Variants in KCND2 observed in about 807,000 individuals in gnomAD.
KCND2 encodes potassium voltage-gated channel subfamily D member 2.
Under a neutral mutation model 54.4 loss-of-function variants are expected in KCND2, and 16 were observed. The observed-to-expected ratio is 0.29, with a 90% confidence interval of 0.20 to 0.45. KCND2 has a LOEUF of 0.45. Among genes scored for constraint, KCND2 ranks in the 20% least tolerant of loss-of-function variants. The pLI, the probability that KCND2 is intolerant of heterozygous loss-of-function variation, is 1.00. For missense variants in KCND2, 486 were observed against 824.2 expected (o/e 0.59, Z 5.02); for synonymous variants, 317 against 310.7 (o/e 1.02, Z -0.21).
intron 1 of KCND2, among the ~76,000 whole-genome samples, chr7:120,354,702 G>C (rs1418231878): frequency 2.6e-5 from 4 of 152,210 alleles, no homozygotes; most frequent in Non-Finnish European, 5.9e-5. Context: ...AGTGAGCTAT[G>C]ATGGCGCCAC....
At chr7:120,586,248 T>C (rs1792599254) in intron 1 of KCND2, among the ~76,000 whole-genome samples, 1 of 152,072 alleles carries the variant, frequency 6.6e-6, no homozygotes, top group Admixed American at 6.6e-5. Flanking sequence ...CACCTTCTTA[T>C]GAAAAGCGCA....
intron 1 of KCND2, among the ~76,000 whole-genome samples, chr7:120,557,168 A>G (rs75043611): frequency 6.4e-4 from 98 of 152,296 alleles, no homozygotes; most frequent in African/African-American, 2.2e-3. Flanking sequence ...TACATAACAG[A>G]TGTACATATT....
chr7:120,302,074 T>C (rs2116296822), intron 1 of KCND2, among the ~76,000 whole-genome samples: 1 of 152,326 alleles, frequency 6.6e-6, no homozygotes, highest in East Asian at 1.9e-4. Flanking sequence ...ATCTACATTA[T>C]ATATTTACAT....
intron 1 of KCND2, among the ~76,000 whole-genome samples, chr7:120,653,338 A>G (rs1427616246): frequency 6.6e-6 from 1 of 151,842 alleles, no homozygotes; most frequent in Non-Finnish European, 1.5e-5. Flanking sequence ...AGGCCACCAC[A>G]TCGGGCCCCT....
intron 1 of KCND2, among the ~76,000 whole-genome samples, chr7:120,630,546 T>C (rs923994498): frequency 6.6e-6 from 1 of 152,158 alleles, no homozygotes; most frequent in Non-Finnish European, 1.5e-5. Context: ...TAACAGCTTA[T>C]TATTAATTTT....
intron 1 of KCND2, among the ~76,000 whole-genome samples, chr7:120,375,904 T>A (rs1158527015): frequency 6.6e-6 from 1 of 151,732 alleles, no homozygotes; most frequent in East Asian, 1.9e-4. Flanking sequence ...GGGAAAATAA[T>A]CCTATAAGGA....
chr7:120,279,524 A>G (rs1439907929), intron 1 of KCND2, among the ~76,000 whole-genome samples: 1 of 151,968 alleles, frequency 6.6e-6, no homozygotes, highest in African/African-American at 2.4e-5. Context: ...TTATTATTTT[A>G]ACGATATAAA....
At chr7:120,556,883 G>T (rs1276416399) in intron 1 of KCND2, among the ~76,000 whole-genome samples, 1 of 152,126 alleles carries the variant, frequency 6.6e-6, no homozygotes, top group African/African-American at 2.4e-5. Flanking sequence ...ATGGAGATTT[G>T]TCTCTCTAGT....
intron 1 of KCND2, among the ~76,000 whole-genome samples, chr7:120,424,329 G>C (rs1390569442): frequency 6.6e-6 from 1 of 152,072 alleles, no homozygotes; most frequent in Non-Finnish European, 1.5e-5. Context: ...TGATAGAATT[G>C]AACTAAAACG....
chr7:120,290,698 A>G (rs1799421886), intron 1 of KCND2, among the ~76,000 whole-genome samples: 1 of 152,010 alleles, frequency 6.6e-6, no homozygotes, highest in Non-Finnish European at 1.5e-5. Context: ...ATATTATTCA[A>G]TATCCTGTAC....
chr7:120,529,759 G>A (rs1246756052), intron 1 of KCND2, among the ~76,000 whole-genome samples: 1 of 152,046 alleles, frequency 6.6e-6, no homozygotes, highest in Non-Finnish European at 1.5e-5. Context: ...CCAGAGACTA[G>A]CCTCAAAAAG....
chr7:120,346,241 T>G (rs963802814), intron 1 of KCND2, among the ~76,000 whole-genome samples: 1 of 152,166 alleles, frequency 6.6e-6, no homozygotes, highest in Non-Finnish European at 1.5e-5. Context: ...TAACCCCTTA[T>G]TAGATGTAAT....
intron 1 of KCND2, among the ~76,000 whole-genome samples, chr7:120,324,571 G>T (rs1399574278): frequency 4.7e-5 from 7 of 149,418 alleles, no homozygotes; most frequent in African/African-American, 1.5e-4. Flanking sequence ...TTTCCCCATT[G>T]CTTGTTTTTC....
intron 1 of KCND2, among the ~76,000 whole-genome samples, chr7:120,313,114 G>T (rs1396087638): frequency 6.6e-6 from 1 of 152,086 alleles, no homozygotes; most frequent in East Asian, 1.9e-4. Flanking sequence ...GCCAAACATT[G>T]TCTGCTCTAT....
At chr7:120,567,593 A>G (rs187096526) in intron 1 of KCND2, among the ~76,000 whole-genome samples, 2 of 152,304 alleles carry the variant, frequency 1.3e-5, no homozygotes, top group Non-Finnish European at 1.5e-5. Context: ...CTATTTTTAT[A>G]TGTAAATGCT....
At chr7:120,742,410 G>A (rs781774550) in intron 3 of KCND2, 100 bp from the exon 4 acceptor site, 125 of 920,852 alleles carry the variant, frequency 1.4e-4, no homozygotes, top group Middle Eastern at 2.1e-4. Context: ...ATAAAATGTT[G>A]CCAGTTAATA....
In KCND2 at chr7:120,549,754, C is replaced by T. The variant is rs909352047; in HGVS notation, c.1116-183149C>T. ...TGTTATAAGGTGTTTATTCTCTCACCGATTAGATCCCATTAGCATTAATGG... is the reference window on the plus strand; with the variant it reads ...TGTTATAAGGTGTTTATTCTCTCACTGATTAGATCCCATTAGCATTAATGG... On this transcript the variant is annotated intron_variant, in intron 1 of 5. Coordinates refer to ENST00000331113, the MANE Select transcript of KCND2 (RefSeq NM_012281.3). Among the ~76,000 whole-genome samples the T allele has an allele frequency of 3.3e-5, 5 of 151,962 alleles. No homozygotes were observed. In the East Asian group the frequency reaches 7.7e-4, roughly 23 times the overall value.
At chr7:120,746,828 T>C (rs1349177506) in intron 5 of KCND2, 1 of 152,160 alleles carries the variant, frequency 6.6e-6, no homozygotes, top group East Asian at 1.9e-4. Flanking sequence ...TTTGTTGGCA[T>C]TCAGAAGTCT....
intron 1 of KCND2, among the ~76,000 whole-genome samples, chr7:120,324,439 C>A (rs1425287579): frequency 1.4e-5 from 2 of 144,842 alleles, no homozygotes. Context: ...TTAGGTCTAA[C>A]GTTTAAGTCT....
Sources: allele counts gnomAD v4.1 joint callset (sites outside exome capture counted in the v4.1 genomes callset), GRCh38; gene constraint gnomAD v4.1.1; transcripts MANE v1.5; gene names NCBI Gene and HGNC (gene_info 2026-07-23, HGNC 2026-07-21).